The following CTDP1 variants were observed in gnomAD, a reference collection of about 807,000 sequenced individuals.
CTDP1 encodes the protein RNA polymerase II subunit A C-terminal domain phosphatase.
A neutral mutation model predicts 91.8 loss-of-function variants in CTDP1; 47 were observed. The ratio of observed to expected loss-of-function variants is 0.51; its 90% CI spans 0.41 to 0.65. The LOEUF (loss-of-function observed/expected upper bound fraction) is 0.65. Ranked by LOEUF, CTDP1 falls within the 30% of genes least tolerant of loss-of-function variation. The pLI is 0.00. For synonymous variants in CTDP1, 656 were observed against 598.5 expected (o/e 1.10, Z -1.40); for missense variants, 1,272 against 1,373.7 (o/e 0.93, Z 1.17).
At chr18:79,728,110 T>C (rs375476441) in intron 10 of CTDP1, among the ~76,000 whole-genome samples, 1 of 152,162 alleles carries the variant, frequency 6.6e-6, no homozygotes, top group East Asian at 1.9e-4. Context: ...TTCGTGAATT[T>C]TTTTTTTAAG....
rs1568192743 is a variant in CTDP1 at position 79,713,025 on chromosome 18, A to T, written c.917A>T (p.Asp306Val). ...SMVCIIDDRE[D>V]VWKFAPNLIT... ...GTTTGCATTATTGATGATCGAGAAG[A>T]TGTCTGGAAGTTTGCCCCCAATCTG... is the stretch of plus-strand genomic sequence containing the variant. The change falls in exon 7 of 13, where the codon GAT (aspartate) becomes GTT (valine). Residue 306 changes from aspartate (D) to valine (V), a missense_variant. Around this residue, in one of 3 missense-constraint regions of CTDP1, gnomAD observed 177 missense variants for 283.0 expected, o/e 0.63. Coordinates refer to ENST00000613122, the MANE Select transcript of CTDP1 (RefSeq NM_004715.5). The surrounding 1 kb of genome is among the most constrained non-coding windows in gnomAD (Gnocchi z 4.7). 6.2e-7 allele frequency: 1 copy of T among 1,614,204 alleles called. No individual in the cohort carries two copies. The highest frequency in any genetic ancestry group is 1.7e-5 in the Admixed American group (1 of 60,034).
At chr18:79,709,205 C>T (rs991472101) in intron 5 of CTDP1, among the ~76,000 whole-genome samples, 3 of 152,142 alleles carry the variant, frequency 2.0e-5, no homozygotes, top group African/African-American at 7.2e-5. Context: ...GTTTAGTACC[C>T]CTACTTCTAC....
intron 4 of CTDP1, among the ~76,000 whole-genome samples, chr18:79,703,289 C>T (rs1249370548): frequency 6.6e-6 from 1 of 152,176 alleles, no homozygotes; most frequent in African/African-American, 2.4e-5. Flanking sequence ...TCGTAACTAA[C>T]TTAGAACTAG....
intron 10 of CTDP1, among the ~76,000 whole-genome samples, 154 bp downstream of exon 10, chr18:79,718,170 C>G (rs1284407760): frequency 6.6e-6 from 1 of 152,222 alleles, no homozygotes; most frequent in African/African-American, 2.4e-5. Flanking sequence ...AGCGCCGCCC[C>G]CGCTTGCAGT....
chr18:79,723,623 A>T (rs183521527), intron 10 of CTDP1, among the ~76,000 whole-genome samples: 2 of 152,280 alleles, frequency 1.3e-5, no homozygotes, highest in East Asian at 3.9e-4. Flanking sequence ...ATATGCAGTG[A>T]TAATGCAGAG....
At chr18:79,687,680 G>T (rs1165405886) in intron 1 of CTDP1, among the ~76,000 whole-genome samples, 2 of 151,704 alleles carry the variant, frequency 1.3e-5, no homozygotes, top group East Asian at 3.8e-4. Flanking sequence ...CTGCACCGCA[G>T]CAGTTGACTT....
chr18:79,746,572 A>C (rs638641), intron 12 of CTDP1, among the ~76,000 whole-genome samples: 1 of 152,062 alleles, frequency 6.6e-6, no homozygotes, highest in Non-Finnish European at 1.5e-5. Flanking sequence ...CGTTTTGACA[A>C]CTGCTGTCAC....
chr18:79,722,283 G>A (rs1729585434), intron 10 of CTDP1, among the ~76,000 whole-genome samples: 1 of 152,214 alleles, frequency 6.6e-6, no homozygotes, highest in Admixed American at 6.5e-5. Context: ...TGTGTGTTCT[G>A]AAATGTGTAT....
At chr18:79,692,351 C>G (rs1170804581) in intron 1 of CTDP1, among the ~76,000 whole-genome samples, 1 of 152,110 alleles carries the variant, frequency 6.6e-6, no homozygotes, top group Non-Finnish European at 1.5e-5. Flanking sequence ...TTTCTGGACT[C>G]CTCTGTTCCA....
rs775563755 is a variant in CTDP1 at position 79,680,088 on chromosome 18, G to T, written c.141G>T (p.Ser47=). ...VAAGAAVRIG[S]VLAVFEAAAS... ...CGGGCGCGGCCGTGCGCATCGGCTCGGTGCTGGCCGTGTTCGAGGCCGCCG... is the reference window on the plus strand; with the variant it reads ...CGGGCGCGGCCGTGCGCATCGGCTCTGTGCTGGCCGTGTTCGAGGCCGCCG... Residue 47 remains serine, a synonymous_variant, in exon 1 of 13, where the codon TCG becomes TCT. Transcript: ENST00000613122. The T allele has an allele frequency of 2.3e-6, 3 of 1,324,512 alleles. No homozygotes were observed. The highest frequency in any genetic ancestry group is 2.9e-6 in the Non-Finnish European group (3 of 1,036,554). 82.0% of individuals were successfully genotyped at this position (1,324,512 alleles called of 1,614,324 possible). A position where few individuals can be genotyped will look rare whatever the true frequency, so the allele number is the denominator to read the frequency against.
At chr18:79,681,461 C>G (rs948777184) in intron 1 of CTDP1, 8 of 985,412 alleles carry the variant, frequency 8.1e-6, no homozygotes, top group African/African-American at 1.7e-5. Context: ...AAGATCCCTA[C>G]TGAGGTTTCA....
intron 5 of CTDP1, among the ~76,000 whole-genome samples, chr18:79,705,395 C>G (rs2085947130): frequency 6.6e-6 from 1 of 152,206 alleles, no homozygotes; most frequent in Non-Finnish European, 1.5e-5. Flanking sequence ...GGAGGCAGCA[C>G]CAGCAGGACG....
In CTDP1 at chr18:79,713,998, T is replaced by A. The variant is rs527282; in HGVS notation, c.1031-493T>A. The stretch of plus-strand genomic sequence containing the variant: ...CTGCAGGGGCTTACGGCCACGGTGG[T>A]GCCAGGTCTGCAGGGGCTTACGGCC... On this transcript the variant is annotated intron_variant, in intron 7 of 12. Transcript: ENST00000613122. The surrounding 1 kb of genome is among the most constrained non-coding windows in gnomAD (Gnocchi z 4.7). Among the ~76,000 whole-genome samples the A allele has an allele frequency of 5.6e-5, 3 of 53,314 alleles. No individual in the cohort carries two copies. The highest frequency in any genetic ancestry group is 1.7e-4 in the Admixed American group (1 of 5,928). 35.0% of individuals were successfully genotyped at this position (53,314 alleles called of 152,430 possible). A position where few individuals can be genotyped will look rare whatever the true frequency, so the allele number is the denominator to read the frequency against.
At chr18:79,694,031 G>A (rs769990937) in intron 1 of CTDP1, among the ~76,000 whole-genome samples, 16 of 152,372 alleles carry the variant, frequency 1.1e-4, no homozygotes, top group Admixed American at 5.2e-4. Flanking sequence ...TCGATGACAT[G>A]GCTGGGGGTC....
chr18:79,742,801 T>C (rs2086805590), intron 12 of CTDP1, among the ~76,000 whole-genome samples: 1 of 151,840 alleles, frequency 6.6e-6, no homozygotes, highest in Non-Finnish European at 1.5e-5. Flanking sequence ...CTACTGAAAA[T>C]ACAAAAATTA....
At chr18:79,725,655 G>T (rs1290759793) in intron 10 of CTDP1, among the ~76,000 whole-genome samples, 1 of 151,948 alleles carries the variant, frequency 6.6e-6, no homozygotes, top group African/African-American at 2.4e-5. Context: ...TCCGGTGCTT[G>T]CCCGGATTCC....
chr18:79,703,449 C>T (rs761705491), intron 4 of CTDP1: 1 of 152,162 alleles, frequency 6.6e-6, no homozygotes, highest in African/African-American at 2.4e-5. Context: ...GTAAGCGAGT[C>T]GGTGTTGCTC....
At chr18:79,685,496 G>A (rs7242785) in intron 1 of CTDP1, 81 of 152,320 alleles carry the variant, frequency 5.3e-4, no homozygotes, top group African/African-American at 1.8e-3. Flanking sequence ...TGCCTTTAGC[G>A]TGTCCACAGG....
In CTDP1 at chr18:79,738,284, G is replaced by T. The variant is rs188336956; in HGVS notation, c.2747+1763G>T. On this transcript the variant is annotated intron_variant, in intron 12 of 12. Transcript: ENST00000613122. ...TAACCTCGGAGGCTTTGTCTTGCCC[G>T]CCTGTTAGACAGGATGTGGCCCTCC... Among the ~76,000 whole-genome samples the T allele has an allele frequency of 3.3e-5, 5 of 152,338 alleles. No individual in the cohort carries two copies. The East Asian group carries it at 9.6e-4, about 29-fold the overall frequency.
Sources: gnomAD v4.1 joint callset for allele counts (sites outside exome capture counted in the v4.1 genomes callset) on GRCh38, gnomAD v4.1.1 for gene constraint, gnomAD v4.1.1 regional missense constraint, Gnocchi (gnomAD v3.1) non-coding constraint, MANE v1.5 for transcripts, NCBI Gene and HGNC (gene_info 2026-07-23, HGNC 2026-07-21) for gene names.